Variants in FREM3 observed in about 807,000 individuals in gnomAD.
FREM3 encodes the protein FRAS1-related extracellular matrix protein 3.
Under a neutral mutation model 129.1 loss-of-function variants are expected in FREM3, and 105 were observed. The ratio of observed to expected loss-of-function variants is 0.81; its 90% CI spans 0.69 to 0.96. The LOEUF is 0.96. Ranked by LOEUF, FREM3 falls within the 40% of genes least tolerant of loss-of-function variation. The probability of loss-of-function intolerance (pLI) is 0.00; values close to 1 mark genes in which losing one functional copy is unlikely to be tolerated. For synonymous variants in FREM3, 1,014 were observed against 1,044.9 expected (o/e 0.97, Z 0.57); for missense variants, 2,593 against 2,666.3 (o/e 0.97, Z 0.61).
At position 143,698,194 on chromosome 4, in the gene FREM3, G is replaced by T. The variant is rs753464438; in HGVS notation, c.2482C>A (p.Gln828Lys). 6.5e-7 allele frequency: 1 copy of T among 1,537,426 alleles called. No individual in the cohort carries two copies. The highest frequency in any genetic ancestry group is 1.2e-5 in the South Asian group (1 of 84,062). Residue 828 changes from glutamine (Q) to lysine (K), a missense_variant, in exon 1 of 8, where the codon CAG becomes AAG. Gln to Lys is a moderately conservative substitution (Grantham distance 53). Around this residue, in one of 2 missense-constraint regions of FREM3, gnomAD observed 2,276 missense variants for 2,267.2 expected, o/e 1.00. Transcript: ENST00000329798. Reference protein sequence around the residue: ...FTLFLQPVDNQPPEVTNRGFA... With the variant: ...FTLFLQPVDNKPPEVTNRGFA... Reference sequence around the variant, plus strand: ...CCTCTGTTGGTGACTTCTGGGGGCTGGTTGTCCACAGGTTGCAGGAATAAT... The same window carrying T: ...CCTCTGTTGGTGACTTCTGGGGGCTTGTTGTCCACAGGTTGCAGGAATAAT...
intron 2 of FREM3, among the ~76,000 whole-genome samples, chr4:143,663,175 G>A (rs1414352455): frequency 1.3e-5 from 2 of 151,460 alleles, no homozygotes; most frequent in South Asian, 2.1e-4. Context: ...TTTCTTCCTA[G>A]TCTTGATGGT....
At chr4:143,670,370 T>A (rs1739945068) in intron 2 of FREM3, among the ~76,000 whole-genome samples, 1 of 152,218 alleles carries the variant, frequency 6.6e-6, no homozygotes, top group South Asian at 2.1e-4. Context: ...AGTTGTTGTA[T>A]ATACATGCCT....
At chr4:143,631,365 A>G (rs532919979) in intron 2 of FREM3, among the ~76,000 whole-genome samples, 4 of 151,286 alleles carry the variant, frequency 2.6e-5, no homozygotes, top group South Asian at 2.1e-4. Context: ...ATTTGTTTAT[A>G]CAGAGTCTTG....
chr4:143,691,409 T>TGG (rs900289711), intron 2 of FREM3, among the ~76,000 whole-genome samples: 1 of 137,700 alleles, frequency 7.3e-6, no homozygotes, highest in Non-Finnish European at 1.6e-5. Flanking sequence ...CAAAAACTTA[T>TGG]GGAAAAATTA....
intron 4 of FREM3, among the ~76,000 whole-genome samples, chr4:143,623,459 A>C (rs1159583687): frequency 6.7e-6 from 1 of 149,142 alleles, no homozygotes; most frequent in Non-Finnish European, 1.5e-5. Context: ...TGTATAATCA[A>C]TGTGCTTAAT....
intron 2 of FREM3, 52 bp downstream of exon 2, chr4:143,693,061 A>T: frequency 1.0e-6 from 1 of 954,420 alleles, no homozygotes; most frequent in Admixed American, 3.1e-5. Flanking sequence ...TTCCAATTTT[A>T]TGTTGATTTT....
chr4:143,611,629 G>T, intron 5 of FREM3, 102 bp from the exon 6 acceptor site: 1 of 1,025,240 alleles, frequency 9.8e-7, no homozygotes, highest in Non-Finnish European at 1.4e-6. Flanking sequence ...ATAGCTATCT[G>T]AATGATACAA....
rs1738983033 is a variant in FREM3 at position 143,623,084 on chromosome 4, A to C, written c.5653+1024T>G. Among the ~76,000 whole-genome samples the C allele has an allele frequency of 2.0e-5, 3 of 152,328 alleles. No individual in the cohort carries two copies. The South Asian group carries it at 6.2e-4, about 32-fold the overall frequency. The stretch of plus-strand genomic sequence containing the variant: ...ACTTCTCAAATTATGTTTTAAGAAA[A>C]CTGGAACTTAGAGATTTTAAAAGAT... On this transcript the variant is annotated intron_variant, in intron 4 of 7. Coordinates refer to ENST00000329798, the MANE Select transcript of FREM3 (RefSeq NM_001168235.2).
At chr4:143,666,402 TG>T (rs1229579137) in intron 2 of FREM3, among the ~76,000 whole-genome samples, 1 of 152,154 alleles carries the variant, frequency 6.6e-6, no homozygotes, top group Admixed American at 6.6e-5. Flanking sequence ...CCAAGGGAAC[TG>T]AAATCAGAGA....
rs1341780280 is a variant in FREM3 at position 143,696,348 on chromosome 4, G to C, written c.4328C>G (p.Thr1443Ser). Residue 1443 changes from threonine to serine, a missense_variant, in exon 1 of 8, where the codon ACC becomes AGC. Coordinates refer to ENST00000329798, the MANE Select transcript of FREM3 (RefSeq NM_001168235.2). ...RITLIEGARVTLTNNLLTNSD... is the reference protein window; with the variant it reads ...RITLIEGARVSLTNNLLTNSD... ...GTTGGTAAGCAGATTGTTGGTAAGG[G>C]TCACTCTGGCACCTTCTATCAAGGT... 6.5e-7 allele frequency: 1 copy of C among 1,537,256 alleles called. No individual in the cohort carries two copies. Among genetic ancestry groups the C allele is most frequent in the Non-Finnish European group, 8.7e-7 (1 of 1,146,952 alleles).
intron 7 of FREM3, among the ~76,000 whole-genome samples, chr4:143,581,932 C>G (rs540980088): frequency 4.9e-4 from 74 of 152,274 alleles, no homozygotes; most frequent in Non-Finnish European, 7.5e-4. Flanking sequence ...GCTTTACTCA[C>G]ACCTCCAGCT....
At chr4:143,596,316 A>G (rs1390301015) in intron 6 of FREM3, among the ~76,000 whole-genome samples, 1 of 152,202 alleles carries the variant, frequency 6.6e-6, no homozygotes, top group Non-Finnish European at 1.5e-5. Flanking sequence ...AAGGTATTGC[A>G]ATTATTCATG....
At chr4:143,623,448 G>T (rs1468639531) in intron 4 of FREM3, among the ~76,000 whole-genome samples, 1 of 143,414 alleles carries the variant, frequency 7.0e-6, no homozygotes. Flanking sequence ...TTTAACTACT[G>T]TGTATAATCA....
chr4:143,682,336 A>C (rs1232541479), intron 2 of FREM3, among the ~76,000 whole-genome samples: 1 of 152,222 alleles, frequency 6.6e-6, no homozygotes, highest in Non-Finnish European at 1.5e-5. Flanking sequence ...GCAACAAATC[A>C]TAATGAGTGC....
intron 2 of FREM3, among the ~76,000 whole-genome samples, chr4:143,660,588 A>G (rs1432543828): frequency 2.0e-5 from 3 of 152,088 alleles, no homozygotes; most frequent in African/African-American, 7.2e-5. Flanking sequence ...GTTCCATGTG[A>G]ACTTTAAAGT....
rs1435156457 is a variant in FREM3, at chr4:143,697,720, A to G, written c.2956T>C (p.Phe986Leu). 10 of 1,537,602 alleles carry G rather than the reference A, an allele frequency of 6.5e-6. No individual in the cohort carries two copies. The Admixed American group carries it at 2.0e-4, about 30-fold the overall frequency. ...AGTTTGGGGCTGTCCTTTACAATGA[A>G]AGACAGCATCAAGTCACCTACATCC... ...RKDVGDLMLS[F>L]IVKDSPKLGT... Residue 986 changes from phenylalanine (F) to leucine (L), a missense_variant, in exon 1 of 8, where the codon TTC (phenylalanine) becomes CTC (leucine). Around this residue, in one of 2 missense-constraint regions of FREM3, gnomAD observed 2,276 missense variants for 2,267.2 expected, o/e 1.00. Coordinates refer to ENST00000329798, the MANE Select transcript of FREM3 (RefSeq NM_001168235.2).
intron 1 of FREM3, among the ~76,000 whole-genome samples, 191 bp from the exon 2 acceptor site, chr4:143,693,393 A>G (rs151007681): frequency 5.9e-5 from 9 of 152,340 alleles, no homozygotes; most frequent in Admixed American, 1.3e-4. Flanking sequence ...TTTGGTCTCA[A>G]TGAGGTACCA....
intron 2 of FREM3, among the ~76,000 whole-genome samples, chr4:143,679,626 T>C (rs1270508561): frequency 6.6e-6 from 1 of 152,190 alleles, no homozygotes; most frequent in East Asian, 1.9e-4. Context: ...CATCCAGCCC[T>C]CTGCAGCAAT....
chr4:143,669,248 C>T (rs1173608936), intron 2 of FREM3, among the ~76,000 whole-genome samples: 1 of 152,140 alleles, frequency 6.6e-6, no homozygotes, highest in African/African-American at 2.4e-5. Flanking sequence ...GTTATGAATT[C>T]TCTCACACAG....
Sources: allele counts gnomAD v4.1 joint callset (sites outside exome capture counted in the v4.1 genomes callset), GRCh38; gene constraint gnomAD v4.1.1; regional missense constraint gnomAD v4.1.1; transcripts MANE v1.5; gene names NCBI Gene and HGNC (gene_info 2026-07-23, HGNC 2026-07-21).